Variants in SYT9 observed in about 807,000 individuals in gnomAD.
The protein encoded by SYT9 is synaptotagmin 9, also known as synaptotagmin-9.
In SYT9, 22 loss-of-function variants were observed where a neutral mutation model predicts 48.4. The ratio of observed to expected loss-of-function variants is 0.45; its 90% confidence interval spans 0.32 to 0.65. The LOEUF (loss-of-function observed/expected upper bound fraction) is 0.65, where lower values mean the gene tolerates loss of function less well. Ranked by LOEUF, SYT9 falls within the 30% of genes least tolerant of loss-of-function variation. The pLI, the probability that SYT9 is intolerant of heterozygous loss-of-function variation, is 0.03. For synonymous variants in SYT9, 265 were observed against 245.0 expected (o/e 1.08, Z -0.76); for missense variants, 577 against 622.0 (o/e 0.93, Z 0.77).
rs202241519 is a variant in SYT9, at chr11:7,303,350, C to A, written c.457C>A (p.Arg153Ser). 7 of 1,612,366 alleles carry A rather than the reference C, an allele frequency of 4.3e-6. No individual in the cohort carries two copies. The highest frequency in any genetic ancestry group is 5.9e-6 in the Non-Finnish European group (7 of 1,179,826). The change falls in exon 2 of 7, where the codon CGC becomes AGC. Residue 153 changes from arginine (R) to serine (S), a missense_variant. By Grantham distance (110) the Arg-to-Ser change is moderately radical. Transcript: ENST00000318881. ...CCAGGAGAACTGTGCCCATGGCGTC[C>A]GCGTGCAGCGCCAAGTCACAGAGCC... Reference protein sequence around the residue: ...GIQENCAHGVRVQRQVTEPTS... With the variant: ...GIQENCAHGVSVQRQVTEPTS...
chr11:7,409,633 C>T (rs1025483821), intron 3 of SYT9, among the ~76,000 whole-genome samples: 9 of 151,974 alleles, frequency 5.9e-5, no homozygotes, highest in Non-Finnish European at 5.9e-5. Context: ...ATCCATTCTC[C>T]TAGGTTTTCT....
chr11:7,352,124 T>C (rs568911153), intron 3 of SYT9, among the ~76,000 whole-genome samples: 6 of 152,290 alleles, frequency 3.9e-5, no homozygotes, highest in Admixed American at 6.5e-5. Flanking sequence ...TTGGGAAATA[T>C]ATGTGTTTGT....
At chr11:7,399,557 G>A (rs1322314591) in intron 3 of SYT9, among the ~76,000 whole-genome samples, 1 of 152,222 alleles carries the variant, frequency 6.6e-6, no homozygotes, top group Admixed American at 6.5e-5. Context: ...TGACCATGAG[G>A]CAGCAGAGAA....
chr11:7,241,567 G>T (rs548736462), intron 1 of SYT9, among the ~76,000 whole-genome samples: 9 of 152,304 alleles, frequency 5.9e-5, no homozygotes, highest in Admixed American at 5.2e-4. Context: ...CCAGGAAAAA[G>T]CCAGTTGGAA....
intron 6 of SYT9, among the ~76,000 whole-genome samples, chr11:7,452,151 A>C (rs948931440): frequency 1.3e-5 from 2 of 150,864 alleles, no homozygotes; most frequent in African/African-American, 4.9e-5. Context: ...ACACACACTG[A>C]GGAAAAACAA....
intron 3 of SYT9, among the ~76,000 whole-genome samples, chr11:7,400,171 T>A (rs2134073383): frequency 6.6e-6 from 1 of 152,204 alleles, no homozygotes; most frequent in Non-Finnish European, 1.5e-5. Flanking sequence ...GGATGTGGAG[T>A]GTTTTCAAAA....
intron 3 of SYT9, among the ~76,000 whole-genome samples, chr11:7,375,551 T>C (rs1850437384): frequency 1.3e-5 from 2 of 152,170 alleles, no homozygotes; most frequent in Non-Finnish European, 2.9e-5. Flanking sequence ...TCCATGAGCA[T>C]AGAATGTTTT....
intron 3 of SYT9, among the ~76,000 whole-genome samples, chr11:7,399,890 G>T (rs1438235752): frequency 6.6e-6 from 1 of 152,134 alleles, no homozygotes; most frequent in Non-Finnish European, 1.5e-5. Flanking sequence ...TCTTTTTTCT[G>T]ATTGATTTCA....
chr11:7,294,417 A>C (rs1410571012), intron 1 of SYT9, among the ~76,000 whole-genome samples: 1 of 152,214 alleles, frequency 6.6e-6, no homozygotes, highest in Non-Finnish European at 1.5e-5. Context: ...TATCTAAATT[A>C]AATATGGATG....
intron 6 of SYT9, among the ~76,000 whole-genome samples, chr11:7,464,854 G>A (rs533610291): frequency 2.0e-5 from 3 of 152,112 alleles, no homozygotes; most frequent in South Asian, 2.1e-4. Flanking sequence ...AGGCCGAGGC[G>A]GGCGGATCAC....
chr11:7,337,846 G>T (rs1273050659), intron 3 of SYT9, among the ~76,000 whole-genome samples: 1 of 152,062 alleles, frequency 6.6e-6, no homozygotes, highest in Admixed American at 6.5e-5. Flanking sequence ...TGTCTGCCAG[G>T]CTTTGATATC....
intron 3 of SYT9, among the ~76,000 whole-genome samples, chr11:7,387,591 A>T (rs1330344019): frequency 6.6e-6 from 1 of 152,138 alleles, no homozygotes; most frequent in East Asian, 1.9e-4. Flanking sequence ...CTAAGACCTC[A>T]AATACAATGT....
chr11:7,363,109 A>G (rs1850176953), intron 3 of SYT9, among the ~76,000 whole-genome samples: 1 of 151,092 alleles, frequency 6.6e-6, no homozygotes. Flanking sequence ...TTTACCTTGA[A>G]TCTCCACTAG....
chr11:7,405,838 G>T (rs1240834336), intron 3 of SYT9, among the ~76,000 whole-genome samples: 5 of 152,120 alleles, frequency 3.3e-5, no homozygotes, highest in African/African-American at 4.8e-5. Context: ...AAACTTTAAA[G>T]GATTTATTTT....
chr11:7,461,798 T>C (rs1393231250), intron 6 of SYT9, among the ~76,000 whole-genome samples: 1 of 152,254 alleles, frequency 6.6e-6, no homozygotes, highest in Admixed American at 6.5e-5. Context: ...CTTTACTTCA[T>C]CAGGTAGAGT....
At chr11:7,422,581 C>T (rs766371439) in intron 6 of SYT9, among the ~76,000 whole-genome samples, 1 of 152,136 alleles carries the variant, frequency 6.6e-6, no homozygotes, top group Non-Finnish European at 1.5e-5. Flanking sequence ...ACTTTTTGCA[C>T]CCTTATGAGC....
In SYT9 at chr11:7,411,150, C is replaced by T. The variant is rs115296921; in HGVS notation, c.1045-4892C>T. Among the ~76,000 whole-genome samples the T allele has an allele frequency of 1.3e-3, 192 of 152,320 alleles. 1 individual carries two copies. Among genetic ancestry groups the T allele is most frequent in the African/African-American group, 4.3e-3 (177 of 41,576 alleles). The stretch of plus-strand genomic sequence containing the variant: ...GATTGCAGGTGTGAGCCACCATGCC[C>T]GGCCTCAAGATTGCTTTTAATATGC... On this transcript the variant is annotated intron_variant, in intron 3 of 6. Transcript: ENST00000318881.
chr11:7,264,310 C>T (rs1205288676), intron 1 of SYT9, among the ~76,000 whole-genome samples: 6 of 152,030 alleles, frequency 3.9e-5, no homozygotes, highest in South Asian at 4.2e-4. Context: ...TTGAAGTTGG[C>T]GATCATGAAT....
chr11:7,247,214 C>G (rs557112907), upstream of SYT9, among the ~76,000 whole-genome samples: 2 of 152,184 alleles, frequency 1.3e-5, no homozygotes, highest in Admixed American at 6.5e-5. Context: ...AAGCACTATA[C>G]GCTGCACCCT....
Sources: gnomAD v4.1 joint callset for allele counts (sites outside exome capture counted in the v4.1 genomes callset) on GRCh38, gnomAD v4.1.1 for gene constraint, MANE v1.5 for transcripts, NCBI Gene and HGNC (gene_info 2026-07-23, HGNC 2026-07-21) for gene names.